The following TIAM1 variants were observed in gnomAD, a reference collection of about 807,000 sequenced individuals.
The protein encoded by TIAM1 is TIAM Rac1 associated GEF 1.
Under a neutral mutation model 163.5 loss-of-function variants are expected in TIAM1, and 65 were observed. The observed-to-expected ratio is 0.40, with a 90% CI of 0.33 to 0.49. The LOEUF is 0.49. Ranked by LOEUF, TIAM1 falls within the 20% of genes least tolerant of loss-of-function variation. The pLI is 0.77. For missense variants in TIAM1, 1,789 were observed against 2,044.7 expected, an observed-to-expected ratio of 0.87 and a Z score of 2.41; for synonymous variants, 833 against 810.1, an observed-to-expected ratio of 1.03 and a Z score of -0.48.
intron 2 of TIAM1, among the ~76,000 whole-genome samples, chr21:31,298,886 C>G (rs141721249): frequency 5.3e-4 from 81 of 152,118 alleles, no homozygotes; most frequent in African/African-American, 1.8e-3. Flanking sequence ...CTCCCCACCT[C>G]AAATCCCTTT....
chr21:31,184,318 C>A (rs1011488324), intron 14 of TIAM1, among the ~76,000 whole-genome samples: 2 of 152,176 alleles, frequency 1.3e-5, no homozygotes, highest in South Asian at 2.1e-4. Flanking sequence ...GTTAGCCAGG[C>A]TGGTCTGGAA....
intron 2 of TIAM1, among the ~76,000 whole-genome samples, chr21:31,412,563 C>T (rs572836077): frequency 1.3e-5 from 2 of 152,094 alleles, no homozygotes; most frequent in East Asian, 3.9e-4. Flanking sequence ...AGGTGGATCA[C>T]CTGGGGTCAG....
At chr21:31,417,427 G>C (rs949174013) in intron 2 of TIAM1, among the ~76,000 whole-genome samples, 1 of 152,158 alleles carries the variant, frequency 6.6e-6, no homozygotes, top group Admixed American at 6.5e-5. Context: ...GCCTTACATG[G>C]TGGCAGGCAA....
At chr21:31,551,575 A>G (rs925953966) in intron 1 of TIAM1, among the ~76,000 whole-genome samples, 4 of 152,026 alleles carry the variant, frequency 2.6e-5, no homozygotes, top group South Asian at 4.2e-4. Context: ...CCCTATCTCT[A>G]TAGCAAAAAA....
chr21:31,221,298 G>C (rs972130087), intron 8 of TIAM1, among the ~76,000 whole-genome samples: 10 of 152,152 alleles, frequency 6.6e-5, no homozygotes, highest in African/African-American at 9.7e-5. Context: ...GAAGTTGCAG[G>C]AACATATTGA....
intron 2 of TIAM1, among the ~76,000 whole-genome samples, chr21:31,440,260 G>A (rs1396124318): frequency 2.0e-5 from 3 of 152,142 alleles, no homozygotes; most frequent in Non-Finnish European, 4.4e-5. Flanking sequence ...CTCAGAAAAA[G>A]TCTCACTCAA....
At chr21:31,474,467 G>A (rs2045864534) in intron 1 of TIAM1, among the ~76,000 whole-genome samples, 2 of 151,880 alleles carry the variant, frequency 1.3e-5, no homozygotes, top group Admixed American at 1.3e-4. Context: ...TAACAGGCAA[G>A]TGAGGTGTAA....
chr21:31,185,112 T>G (rs1437809501), intron 14 of TIAM1, among the ~76,000 whole-genome samples: 1 of 152,182 alleles, frequency 6.6e-6, no homozygotes, highest in East Asian at 1.9e-4. Flanking sequence ...ACAGTTGATC[T>G]GGATGTGTTG....
chr21:31,226,586 C>T (rs575991076), intron 6 of TIAM1, among the ~76,000 whole-genome samples: 2 of 152,224 alleles, frequency 1.3e-5, no homozygotes, highest in East Asian at 3.9e-4. Context: ...GTGAGCGACA[C>T]CCACCAATGG....
chr21:31,181,757 T>C (rs1315015919), intron 15 of TIAM1, among the ~76,000 whole-genome samples: 1 of 10,154 alleles, frequency 9.8e-5, no homozygotes, highest in African/African-American at 6.1e-4. Flanking sequence ...CTTCTTCTTC[T>C]TTTTTTTTTT....
At chr21:31,544,082 T>C (rs2048408214) in intron 1 of TIAM1, among the ~76,000 whole-genome samples, 1 of 152,030 alleles carries the variant, frequency 6.6e-6, no homozygotes, top group African/African-American at 2.4e-5. Flanking sequence ...TGGTGGCAAG[T>C]GCCTGTAATC....
chr21:31,339,589 G>A (rs571505749), intron 1 of TIAM1, among the ~76,000 whole-genome samples, 167 bp from the exon 2 acceptor site: 1 of 152,266 alleles, frequency 6.6e-6, no homozygotes, highest in Admixed American at 6.5e-5. Flanking sequence ...TAAGCAGTTC[G>A]TATTTTAATA....
intron 2 of TIAM1, among the ~76,000 whole-genome samples, chr21:31,411,148 A>G (rs763432926): frequency 2.6e-5 from 4 of 152,220 alleles, no homozygotes; most frequent in Middle Eastern, 3.4e-3. Context: ...GGGAAGTAGC[A>G]CCCCACAGAA....
At chr21:31,122,834 T>A (rs1226376886) in intron 27 of TIAM1, among the ~76,000 whole-genome samples, 1 of 152,218 alleles carries the variant, frequency 6.6e-6, no homozygotes, top group African/African-American at 2.4e-5. Flanking sequence ...ATTATTGGGT[T>A]CTTCCCAGTC....
At chr21:31,179,644 A>G (rs2084922898) in intron 15 of TIAM1, among the ~76,000 whole-genome samples, 1 of 152,088 alleles carries the variant, frequency 6.6e-6, no homozygotes, top group Non-Finnish European at 1.5e-5. Flanking sequence ...ACAGCCTCCA[A>G]AGGTGAGCGG....
At chr21:31,478,504 G>C (rs1319832195) in intron 1 of TIAM1, among the ~76,000 whole-genome samples, 1 of 152,184 alleles carries the variant, frequency 6.6e-6, no homozygotes, top group Non-Finnish European at 1.5e-5. Context: ...CTGGCGACTT[G>C]CTTTTTCACT....
chr21:31,517,006 G>A (rs576974014), intron 1 of TIAM1, among the ~76,000 whole-genome samples: 2 of 144,880 alleles, frequency 1.4e-5, no homozygotes, highest in South Asian at 2.2e-4. Context: ...CCAAGATCAC[G>A]CCGGTGCACT....
chr21:31,256,697 G>A (rs2146770519), intron 4 of TIAM1, among the ~76,000 whole-genome samples: 1 of 150,658 alleles, frequency 6.6e-6, no homozygotes, highest in African/African-American at 2.4e-5. Flanking sequence ...GATAATCTCA[G>A]TACAGCAAGT....
intron 2 of TIAM1, among the ~76,000 whole-genome samples, chr21:31,356,446 A>G (rs541643044): frequency 3.1e-4 from 47 of 152,214 alleles, no homozygotes; most frequent in African/African-American, 1.0e-3. Flanking sequence ...TCCCCTCAAA[A>G]TTCATATGTT....
Sources: gnomAD v4.1 joint callset for allele counts (sites outside exome capture counted in the v4.1 genomes callset) on GRCh38, gnomAD v4.1.1 for gene constraint, MANE v1.5 for transcripts, NCBI Gene and HGNC (gene_info 2026-07-23, HGNC 2026-07-21) for gene names.